The following EPB41L3 variants were observed in gnomAD, a reference collection of about 807,000 sequenced individuals.
The protein encoded by EPB41L3 is erythrocyte membrane protein band 4.1 like 3.
A neutral mutation model predicts 127.1 loss-of-function variants in EPB41L3; 57 were observed. The ratio of observed to expected loss-of-function variants is 0.45; its 90% CI spans 0.36 to 0.56. The LOEUF (loss-of-function observed/expected upper bound fraction) is 0.56, where lower values mean the gene tolerates loss of function less well. Ranked by LOEUF, EPB41L3 falls within the 20% of genes least tolerant of loss-of-function variation. EPB41L3 has a pLI of 0.00. For missense variants in EPB41L3, 1,273 were observed against 1,372.2 expected, an observed-to-expected ratio of 0.93 and a Z score of 1.14; for synonymous variants, 572 against 549.5, an observed-to-expected ratio of 1.04 and a Z score of -0.57.
chr18:5,464,191 A>G (rs1239342475), intron 3 of EPB41L3, among the ~76,000 whole-genome samples: 1 of 152,156 alleles, frequency 6.6e-6, no homozygotes, highest in South Asian at 2.1e-4. Flanking sequence ...AAAGAATTAA[A>G]CTAAATTAAA....
chr18:5,409,597 C>T (rs542346366), intron 14 of EPB41L3, among the ~76,000 whole-genome samples: 25 of 151,824 alleles, frequency 1.6e-4, no homozygotes, highest in African/African-American at 3.4e-4. Context: ...AAAACGCCAT[C>T]GCAAAAGATT....
In EPB41L3 at chr18:5,531,815, A is replaced by C. The variant is rs148473542; in HGVS notation, c.-12+12098T>G. On this transcript the variant is annotated intron_variant, in intron 1 of 22. Transcript: ENST00000341928. ...GCAAACTTTGGAACATGATTCTGTA[A>C]GGAAGAAGTCCTGAAGTTTCAGCTT... Among the ~76,000 whole-genome samples the C allele has an allele frequency of 5.2e-4, 79 of 152,248 alleles. No homozygotes were observed. In the East Asian group the frequency reaches 0.014, roughly 27 times the overall value.
At chr18:5,602,336 G>A (rs995597113) in intron 3 of EPB41L3, among the ~76,000 whole-genome samples, 2 of 152,172 alleles carry the variant, frequency 1.3e-5, no homozygotes, top group African/African-American at 4.8e-5. Flanking sequence ...CCTAAAAGAT[G>A]AAGCTGAGCA....
intron 3 of EPB41L3, among the ~76,000 whole-genome samples, chr18:5,559,310 C>T (rs1033076722): frequency 6.6e-6 from 1 of 152,128 alleles, no homozygotes; most frequent in Non-Finnish European, 1.5e-5. Context: ...GATTTCTTAA[C>T]TTGGAACACA....
chr18:5,595,260 A>G (rs780093853), intron 3 of EPB41L3, among the ~76,000 whole-genome samples: 3 of 152,196 alleles, frequency 2.0e-5, no homozygotes, highest in Non-Finnish European at 4.4e-5. Flanking sequence ...TCCATGTTAA[A>G]ATAAGTGCAG....
chr18:5,539,089 A>G lies in EPB41L3; in HGVS notation c.-12+4824T>C, dbSNP rs148017938. On this transcript the variant is annotated intron_variant, in intron 1 of 22. Coordinates refer to ENST00000341928, the MANE Select transcript of EPB41L3 (RefSeq NM_012307.5). ...TCGTAAGTATTTACTGAATGCTTTA[A>G]GTGTCTAGACCTTTACTTGGTTTGG... is the stretch of plus-strand genomic sequence containing the variant. Among the ~76,000 whole-genome samples, 32 of 150,794 alleles carry G rather than the reference A, an allele frequency of 2.1e-4. No homozygotes were observed. In the East Asian group the frequency reaches 6.1e-3, roughly 29 times the overall value.
chr18:5,612,223 A>G (rs564066871), intron 3 of EPB41L3: 2 of 152,362 alleles, frequency 1.3e-5, no homozygotes, highest in South Asian at 2.1e-4. Flanking sequence ...GCAATTTGTA[A>G]TAGAATAAAA....
At chr18:5,541,014 G>A (rs941819645) in intron 1 of EPB41L3, among the ~76,000 whole-genome samples, 1 of 150,682 alleles carries the variant, frequency 6.6e-6, no homozygotes, top group African/African-American at 2.4e-5. Context: ...GAACCCGGGA[G>A]GCGGAGCTTG....
At chr18:5,438,207 G>C (rs2080154839) in intron 5 of EPB41L3, 97 bp from the exon 6 acceptor site, 1 of 1,085,020 alleles carries the variant, frequency 9.2e-7, no homozygotes, top group Non-Finnish European at 1.3e-6. Flanking sequence ...TTAACACCCA[G>C]GCAACTTTTG....
Position 5,394,686 on chromosome 18 carries a change from A to T in EPB41L3, c.3261T>A (p.Asp1087Glu), listed in dbSNP as rs140830660. ...CGGCATCACCTCTTACCTCTGGTCA[A>T]TCCTCTCCATCTTCTGGTGTGATCT... ...ETEITPEDGE[D>E] is the part of the protein sequence containing the mutation. Residue 1087 changes from aspartate to glutamate, a missense_variant, in exon 22 of 23, where the codon GAT (aspartate) becomes GAA (glutamate). Coordinates refer to ENST00000341928, the MANE Select transcript of EPB41L3 (RefSeq NM_012307.5). 1.7e-4 allele frequency: 279 copies of T among 1,613,546 alleles called. 1 individual carries two copies. Among genetic ancestry groups the T allele is most frequent in the South Asian group, 5.6e-4 (51 of 91,084 alleles).
intron 1 of EPB41L3, among the ~76,000 whole-genome samples, chr18:5,509,001 C>T (rs966317989): frequency 1.3e-5 from 2 of 152,122 alleles, no homozygotes; most frequent in Non-Finnish European, 1.5e-5. Flanking sequence ...ACAAGACCAA[C>T]GCAGCAGAGG....
intron 1 of EPB41L3, among the ~76,000 whole-genome samples, chr18:5,529,923 CAT>C (rs1317043900): frequency 6.1e-4 from 61 of 100,472 alleles, no homozygotes; most frequent in Middle Eastern, 5.4e-3. Context: ...ACCATCAACT[CAT>C]ATATGTGTGT....
chr18:5,628,374 T>C (rs1599418690), intron 1 of EPB41L3, among the ~76,000 whole-genome samples: 2 of 152,176 alleles, frequency 1.3e-5, no homozygotes, highest in East Asian at 1.9e-4. Context: ...TACGAGGGAG[T>C]TGCGGACTGG....
chr18:5,399,281 AG>A, intron 16 of EPB41L3: 1 of 399,082 alleles, frequency 2.5e-6, no homozygotes, highest in Middle Eastern at 6.3e-4. Context: ...GGAGATCACC[AG>A]TTTTACTGCT....
intron 1 of EPB41L3, among the ~76,000 whole-genome samples, chr18:5,501,716 AT>A (rs1421235438): frequency 2.0e-5 from 3 of 151,964 alleles, no homozygotes; most frequent in African/African-American, 7.3e-5. Context: ...GACTGTTGGC[AT>A]TTTTTTTCAT....
intron 1 of EPB41L3, among the ~76,000 whole-genome samples, chr18:5,494,158 T>C (rs889688188): frequency 2.6e-5 from 4 of 151,994 alleles, no homozygotes; most frequent in African/African-American, 9.7e-5. Context: ...AACCGAACAT[T>C]TTTCCATCCA....
intron 1 of EPB41L3, among the ~76,000 whole-genome samples, chr18:5,494,074 T>A (rs1399528118): frequency 6.6e-6 from 1 of 152,184 alleles, no homozygotes; most frequent in African/African-American, 2.4e-5. Flanking sequence ...TTTTGTGACC[T>A]CTCACTGAGC....
chr18:5,453,529 A>T (rs2082580614), intron 3 of EPB41L3, among the ~76,000 whole-genome samples: 2 of 152,088 alleles, frequency 1.3e-5, no homozygotes, highest in Non-Finnish European at 2.9e-5. Context: ...GCTCAAACCC[A>T]CTCATGTTAA....
At chr18:5,610,468 C>T (rs1298436195) in intron 3 of EPB41L3, among the ~76,000 whole-genome samples, 1 of 152,108 alleles carries the variant, frequency 6.6e-6, no homozygotes, top group Non-Finnish European at 1.5e-5. Flanking sequence ...AAGAGATATA[C>T]ACCCAAACCA....
Sources: allele counts gnomAD v4.1 joint callset (sites outside exome capture counted in the v4.1 genomes callset), GRCh38; gene constraint gnomAD v4.1.1; transcripts MANE v1.5; gene names NCBI Gene and HGNC (gene_info 2026-07-23, HGNC 2026-07-21).